GAS7: variants seen among roughly 807,000 people sequenced by gnomAD.
The protein encoded by GAS7 is growth arrest specific 7, also known as growth arrest-specific protein 7.
GAS7 carries 28 observed loss-of-function variants against 71.1 expected under a neutral mutation model. The observed-to-expected ratio is 0.39, with a 90% CI of 0.29 to 0.54. The LOEUF (loss-of-function observed/expected upper bound fraction) is 0.54, where lower values mean the gene tolerates loss of function less well. Ranked by LOEUF, GAS7 falls within the 20% of genes least tolerant of loss-of-function variation. The pLI, the probability that GAS7 is intolerant of heterozygous loss-of-function variation, is 0.62. For missense variants in GAS7, 436 were observed against 627.8 expected (o/e 0.69, Z 3.27); for synonymous variants, 258 against 245.8 (o/e 1.05, Z -0.46).
rs140497234 is a variant in GAS7 at position 9,943,135 on chromosome 17, T to A, written c.717A>T (p.Glu239Asp). The stretch of plus-strand genomic sequence containing the variant: ...CCAGGCTTCACCTTTCCCGGATGAA[T>A]TCTGACATTTCCTTCTGCATTTGTT... ...KGKQMQKEMSEFIRERIKIEE... is the reference protein window; with the variant it reads ...KGKQMQKEMSDFIRERIKIEE... Residue 239 changes from glutamate to aspartate, a missense_variant, in exon 7 of 14, where the codon GAA becomes GAT. Transcript: ENST00000432992. The A allele has an allele frequency of 6.2e-7, 1 of 1,607,640 alleles. No individual in the cohort carries two copies. The highest frequency in any genetic ancestry group is 1.3e-5 in the African/African-American group (1 of 74,828).
At chr17:10,126,409 C>G (rs1053345354) in intron 1 of GAS7, among the ~76,000 whole-genome samples, 4 of 150,682 alleles carry the variant, frequency 2.7e-5, no homozygotes, top group Non-Finnish European at 4.4e-5. Flanking sequence ...CACAAACGTG[C>G]AAACACGCAC....
chr17:9,977,453 A>G (rs1378608717), intron 3 of GAS7, among the ~76,000 whole-genome samples: 1 of 152,142 alleles, frequency 6.6e-6, no homozygotes, highest in African/African-American at 2.4e-5. Flanking sequence ...CTCTCTACAA[A>G]TCAGTATTTC....
intron 9 of GAS7, among the ~76,000 whole-genome samples, chr17:9,927,292 C>CAT (rs1260209465): frequency 9.7e-5 from 11 of 112,994 alleles, no homozygotes; most frequent in African/African-American, 4.1e-4. Context: ...CTACTACATA[C>CAT]ACACACACAC....
intron 1 of GAS7, among the ~76,000 whole-genome samples, chr17:10,053,612 C>T (rs901872406): frequency 6.6e-6 from 1 of 152,086 alleles, no homozygotes; most frequent in Non-Finnish European, 1.5e-5. Context: ...GTCTCTTCAT[C>T]GATGTGGCAT....
chr17:10,099,565 CT>C (rs984774936), intron 1 of GAS7, among the ~76,000 whole-genome samples: 7 of 152,158 alleles, frequency 4.6e-5, no homozygotes, highest in Admixed American at 4.6e-4. Flanking sequence ...CTCCAATGTA[CT>C]TTTTTTTGGA....
At chr17:10,062,131 A>T (rs954386647) in intron 1 of GAS7, among the ~76,000 whole-genome samples, 3 of 152,170 alleles carry the variant, frequency 2.0e-5, no homozygotes, top group African/African-American at 4.8e-5. Context: ...ACTTTTAGAG[A>T]TCACAGACAA....
intron 1 of GAS7, among the ~76,000 whole-genome samples, chr17:10,157,092 G>A (rs1294059491): frequency 2.6e-5 from 4 of 152,060 alleles, no homozygotes; most frequent in Non-Finnish European, 5.9e-5. Flanking sequence ...GCTCCTCCCC[G>A]GACACAGACC....
At chr17:10,060,226 C>T (rs1344816707) in intron 1 of GAS7, among the ~76,000 whole-genome samples, 1 of 152,240 alleles carries the variant, frequency 6.6e-6, no homozygotes, top group Admixed American at 6.5e-5. Flanking sequence ...CAAGGCTGGC[C>T]TTCTGCCACT....
intron 9 of GAS7, among the ~76,000 whole-genome samples, chr17:9,928,673 C>A (rs16959017): frequency 0.036 from 5,413 of 152,268 alleles, 254 homozygotes; most frequent in African/African-American, 0.085. Context: ...CAGGTTTTTG[C>A]TGTACAATAT....
chr17:10,049,609 C>CTTTT lies in GAS7; in HGVS notation c.184-29716_184-29713dup, dbSNP rs1168627510. ...TTTAAAACGTGTTTTGAAATTACTT[C>CTTTT]TTTTTTTTTTTTTTTTTTTTTTTTT... is the stretch of plus-strand genomic sequence containing the variant. On this transcript the variant is annotated intron_variant, in intron 1 of 13. Transcript: ENST00000432992. Among the ~76,000 whole-genome samples, 315 of 70,426 alleles carry CTTTT rather than the reference C, an allele frequency of 4.5e-3. 14 individuals are homozygous for CTTTT. The highest frequency in any genetic ancestry group is 0.013 in the Middle Eastern group (1 of 80). 46.2% of individuals were successfully genotyped at this position (70,426 alleles called of 152,430 possible).
intron 2 of GAS7, among the ~76,000 whole-genome samples, chr17:9,991,888 C>T (rs900281170): frequency 1.1e-4 from 16 of 151,952 alleles, no homozygotes; most frequent in Non-Finnish European, 5.9e-5. Context: ...GACACCTTAT[C>T]GAATCCAAAG....
intron 1 of GAS7, among the ~76,000 whole-genome samples, chr17:10,091,205 A>G (rs2073578153): frequency 1.3e-5 from 2 of 152,196 alleles, no homozygotes; most frequent in African/African-American, 4.8e-5. Flanking sequence ...GAAACTCCAC[A>G]GAGACAGAAA....
Position 9,959,589 on chromosome 17 carries a change from G to T in GAS7, c.472-334C>A. The T allele has an allele frequency of 1.7e-6, 1 of 601,194 alleles. No individual in the cohort carries two copies. Among genetic ancestry groups the T allele is most frequent in the Non-Finnish European group, 2.5e-6 (1 of 401,838 alleles). 37.2% of individuals were successfully genotyped at this position (601,194 alleles called of 1,614,324 possible). On this transcript the variant is annotated intron_variant, in intron 4 of 13. Coordinates refer to ENST00000432992, the MANE Select transcript of GAS7 (RefSeq NM_201433.2). This position sits in a 1 kb window ranked among gnomAD's most constrained non-coding sequence, Gnocchi z 5.0. ...TCTGCTGGTGAACGTTCCGCGTGCC[G>T]CTTGCTGCCTGAAGCCGCGGAATCC...
rs2069743986 is a variant in GAS7 at position 9,967,044 on chromosome 17, C to A, written c.471+2633G>T. Among the ~76,000 whole-genome samples, 2 of 152,114 alleles carry A rather than the reference C, an allele frequency of 1.3e-5. 1 individual carries two copies. The highest frequency in any genetic ancestry group is 4.1e-4 in the South Asian group (2 of 4,828). On this transcript the variant is annotated intron_variant, in intron 4 of 13. Transcript: ENST00000432992. ...TTTTGTTACCCTGATGACACCTCAGCTCCCAAGGTTACCATCCAAAAAGAG... is the reference window on the plus strand; with the variant it reads ...TTTTGTTACCCTGATGACACCTCAGATCCCAAGGTTACCATCCAAAAAGAG...
At chr17:10,027,114 T>C (rs1226687206) in intron 1 of GAS7, 1 of 151,988 alleles carries the variant, frequency 6.6e-6, no homozygotes, top group Non-Finnish European at 1.5e-5. Flanking sequence ...AAGGAGGAGG[T>C]TGGGAGAGCT....
At chr17:10,063,285 C>T (rs569894960) in intron 1 of GAS7, among the ~76,000 whole-genome samples, 5 of 152,308 alleles carry the variant, frequency 3.3e-5, no homozygotes, top group East Asian at 1.9e-4. Context: ...CGCGCGCACG[C>T]GTTTGTGTGT....
chr17:10,082,848 T>G (rs2073473043), intron 1 of GAS7, among the ~76,000 whole-genome samples: 1 of 152,230 alleles, frequency 6.6e-6, no homozygotes, highest in Non-Finnish European at 1.5e-5. Context: ...TGAGGATGAA[T>G]GTCAGACATT....
chr17:10,045,881 A>AT (rs1306753059), intron 1 of GAS7, among the ~76,000 whole-genome samples: 1 of 152,016 alleles, frequency 6.6e-6, no homozygotes, highest in Non-Finnish European at 1.5e-5. Context: ...TTTACTCAAT[A>AT]TTTTTTTCGA....
At chr17:9,933,523 A>G (rs1212521164) in intron 9 of GAS7, among the ~76,000 whole-genome samples, 2 of 152,246 alleles carry the variant, frequency 1.3e-5, no homozygotes, top group Admixed American at 1.3e-4. Flanking sequence ...ATATGAACTT[A>G]TAATTGAATA....
Sources: gnomAD v4.1 joint callset for allele counts (sites outside exome capture counted in the v4.1 genomes callset) on GRCh38, gnomAD v4.1.1 for gene constraint, Gnocchi (gnomAD v3.1) non-coding constraint, MANE v1.5 for transcripts, NCBI Gene and HGNC (gene_info 2026-07-23, HGNC 2026-07-21) for gene names.